Variants in OTC observed in about 807,000 individuals in gnomAD.
OTC encodes the protein ornithine transcarbamylase, mitochondrial.
Under a neutral mutation model 30.3 loss-of-function variants are expected in OTC, and 3 were observed. The observed-to-expected ratio is 0.10, with a 90% confidence interval of 0.05 to 0.26. OTC has a LOEUF of 0.26. Ranked by LOEUF, OTC falls within the 10% of genes least tolerant of loss-of-function variation. The pLI is 1.00. For synonymous variants in OTC, 111 were observed against 99.7 expected, an observed-to-expected ratio of 1.11 and a Z score of -0.67; for missense variants, 194 against 260.3, an observed-to-expected ratio of 0.75 and a Z score of 1.75.
At chrX:38,389,067 TG>T (rs2068418734) in intron 4 of OTC, among the ~76,000 whole-genome samples, 1 of 112,077 alleles carries the variant, frequency 8.9e-6, no homozygotes, top group East Asian at 2.8e-4. Context: ...CCTCCATCTT[TG>T]CCTGGGCTTC....
chrX:38,369,926 G>A, intron 3 of OTC, 49 bp downstream of exon 3: 1 of 920,001 alleles, frequency 1.1e-6, no homozygotes, highest in East Asian at 3.1e-5. Context: ...GGGATTGAAG[G>A]TGAAGACTTT....
At chrX:38,391,169 TC>T (rs1309860301) in intron 4 of OTC, among the ~76,000 whole-genome samples, 1 of 110,065 alleles carries the variant, frequency 9.1e-6, no homozygotes, top group East Asian at 2.9e-4. Flanking sequence ...CCGCATGTTC[TC>T]ATTCATAGGT....
chrX:38,344,215 G>T, the OTC span, among the ~76,000 whole-genome samples: 1 of 93,716 alleles, frequency 1.1e-5, no homozygotes, highest in Non-Finnish European at 2.1e-5. Context: ...TGTAAATCAG[G>T]AGCTCTTTTG....
rs2068594962 is a variant in OTC, at chrX:38,421,378, A to G, written c.*296A>G. 1 of 275,231 alleles carries G rather than the reference A, an allele frequency of 3.6e-6. No individual in the cohort carries two copies. Among genetic ancestry groups the G allele is most frequent in the Admixed American group, 5.5e-5 (1 of 18,346 alleles). 22.7% of individuals were successfully genotyped at this position (275,231 alleles called of 1,213,427 possible). A position where few individuals can be genotyped will look rare whatever the true frequency, so the allele number is the denominator to read the frequency against. ...CTTCAACATAAAATACTGTGTTCAT[A>G]ATGTATAATGTCTAAGCCATTAAGT... On this transcript the variant is annotated 3_prime_UTR_variant, in exon 10 of 10. Coordinates refer to ENST00000039007, the MANE Select transcript of OTC (RefSeq NM_000531.6).
intron 9 of OTC, among the ~76,000 whole-genome samples, chrX:38,419,641 A>G (rs934636915): frequency 2.7e-5 from 3 of 111,944 alleles, no homozygotes; most frequent in Non-Finnish European, 5.6e-5. Flanking sequence ...CATTATTAGT[A>G]TATTAGAAAT....
chrX:38,381,467 G>A, intron 4 of OTC, 38 bp downstream of exon 4: 4 of 851,967 alleles, frequency 4.7e-6, no homozygotes, highest in Non-Finnish European at 7.0e-6. Context: ...GCTGATTTCA[G>A]AATCTGATGG....
chrX:38,414,093 A>T (rs2068557922), intron 9 of OTC, among the ~76,000 whole-genome samples: 1 of 111,862 alleles, frequency 8.9e-6, no homozygotes, highest in Non-Finnish European at 1.9e-5. Flanking sequence ...CCTCAGGAAG[A>T]GACACAGCAA....
the OTC span, among the ~76,000 whole-genome samples, chrX:38,332,127 T>C: frequency 1.8e-5 from 2 of 109,641 alleles, no homozygotes; most frequent in Non-Finnish European, 3.8e-5. Context: ...GATTGTGTGC[T>C]CTTTGTGATA....
intron 4 of OTC, among the ~76,000 whole-genome samples, chrX:38,397,510 T>A (rs942270805): frequency 8.9e-6 from 1 of 112,193 alleles, no homozygotes; most frequent in Non-Finnish European, 1.9e-5. Context: ...TCACTAGGGA[T>A]GTTTACAAGT....
chrX:38,390,724 T>C (rs2068424887), intron 4 of OTC, among the ~76,000 whole-genome samples: 1 of 112,186 alleles, frequency 8.9e-6, no homozygotes, highest in Non-Finnish European at 1.9e-5. Flanking sequence ...GAACTCCTTT[T>C]AAGAGCACCA....
At chrX:38,355,186 A>G (rs775182837) in intron 1 of OTC, among the ~76,000 whole-genome samples, 1 of 111,888 alleles carries the variant, frequency 8.9e-6, no homozygotes. Flanking sequence ...GAAGCCATCC[A>G]CACAGCCCCT....
chrX:38,413,881 C>A (rs1161211140), intron 9 of OTC, among the ~76,000 whole-genome samples: 1 of 107,742 alleles, frequency 9.3e-6, no homozygotes, highest in Non-Finnish European at 1.9e-5. Flanking sequence ...ATCATGTTGC[C>A]CAGGCTGGTC....
intron 4 of OTC, among the ~76,000 whole-genome samples, chrX:38,396,177 G>A (rs992156233): frequency 2.8e-5 from 3 of 107,527 alleles, no homozygotes; most frequent in Admixed American, 1.0e-4. Context: ...AGCCAAGCTG[G>A]TCTCGAACTC....
chrX:38,418,908 G>A (rs759475013), intron 9 of OTC, among the ~76,000 whole-genome samples: 1 of 111,698 alleles, frequency 9.0e-6, no homozygotes, highest in African/African-American at 3.3e-5. Context: ...TATCAGCAGC[G>A]TGAAAAAGGA....
chrX:38,370,635 C>T (rs187008253), intron 3 of OTC, among the ~76,000 whole-genome samples: 20 of 111,367 alleles, frequency 1.8e-4, no homozygotes, highest in African/African-American at 6.5e-4. Flanking sequence ...ACCATTTGCG[C>T]GGGGAAGAGC....
intron 1 of OTC, among the ~76,000 whole-genome samples, chrX:38,355,134 A>G (rs1046522934): frequency 8.9e-6 from 1 of 111,984 alleles, no homozygotes; most frequent in Non-Finnish European, 1.9e-5. Context: ...GTGAGCGGTC[A>G]TATCGCCATG....
At chrX:38,385,675 T>TTA (rs201354907) in intron 4 of OTC, among the ~76,000 whole-genome samples, 8 of 111,336 alleles carry the variant, frequency 7.2e-5, no homozygotes, top group African/African-American at 9.8e-5. Flanking sequence ...GATTTTTTTT[T>TTA]AAAAAAGCAC....
At chrX:38,391,227 C>T (rs1245454697) in intron 4 of OTC, among the ~76,000 whole-genome samples, 2 of 109,939 alleles carry the variant, frequency 1.8e-5, no homozygotes, top group African/African-American at 3.3e-5. Context: ...GGGAACATCA[C>T]ACACCAGAGC....
At chrX:38,412,332 G>A (rs187163286) in intron 9 of OTC, among the ~76,000 whole-genome samples, 246 of 111,728 alleles carry the variant, frequency 2.2e-3, no homozygotes, top group Non-Finnish European at 3.7e-3. Context: ...CATGTTTAGA[G>A]AAGCCCCTAA....
Sources: gnomAD v4.1 joint callset for allele counts (sites outside exome capture counted in the v4.1 genomes callset) on GRCh38, gnomAD v4.1.1 for gene constraint, MANE v1.5 for transcripts, NCBI Gene and HGNC (gene_info 2026-07-23, HGNC 2026-07-21) for gene names.